LMTK2: variants seen among roughly 807,000 people sequenced by gnomAD.
LMTK2 encodes the protein serine/threonine-protein kinase LMTK2.
In LMTK2, 37 loss-of-function variants were observed where a neutral mutation model predicts 127.5. That is an observed-to-expected ratio of 0.29 (90% confidence interval 0.22 to 0.38). LMTK2 has a LOEUF of 0.38. LMTK2 is among the 10% of genes least tolerant of loss of function. The pLI is 1.00. For missense variants in LMTK2, 1,694 were observed against 1,920.3 expected (o/e 0.88, Z 2.20); for synonymous variants, 819 against 810.1 (o/e 1.01, Z -0.19).
chr7:98,151,662 G>A (rs1299637868), intron 4 of LMTK2, among the ~76,000 whole-genome samples: 2 of 152,226 alleles, frequency 1.3e-5, no homozygotes, highest in East Asian at 1.9e-4. Context: ...GATGTCTTAC[G>A]GCATACAGGC....
chr7:98,174,610 C>T (rs991566082), intron 7 of LMTK2, among the ~76,000 whole-genome samples: 4 of 152,180 alleles, frequency 2.6e-5, no homozygotes, highest in African/African-American at 9.7e-5. Flanking sequence ...TTCTCATGGG[C>T]GGCCTGCCTC....
At chr7:98,176,459 A>C (rs1268666332) in intron 7 of LMTK2, among the ~76,000 whole-genome samples, 1 of 152,218 alleles carries the variant, frequency 6.6e-6, no homozygotes, top group African/African-American at 2.4e-5. Context: ...ACCTTCCAAC[A>C]TTTCTTTGGA....
chr7:98,149,933 A>G (rs1796827448), intron 3 of LMTK2, among the ~76,000 whole-genome samples: 1 of 58,288 alleles, frequency 1.7e-5, no homozygotes, highest in Non-Finnish European at 3.2e-5. Flanking sequence ...TCAAAACTCA[A>G]TAATAAGAAA....
At chr7:98,185,456 G>A (rs1797420053) in intron 8 of LMTK2, among the ~76,000 whole-genome samples, 1 of 152,168 alleles carries the variant, frequency 6.6e-6, no homozygotes, top group African/African-American at 2.4e-5. Context: ...TACCTGTTAT[G>A]ATAAAATATA....
At chr7:98,126,288 T>C (rs1217631427) in intron 1 of LMTK2, among the ~76,000 whole-genome samples, 4 of 152,084 alleles carry the variant, frequency 2.6e-5, no homozygotes, top group African/African-American at 9.7e-5. Flanking sequence ...ACATGGGAAG[T>C]TGTGTGACAA....
chr7:98,136,898 A>G (rs1012881412), intron 1 of LMTK2, among the ~76,000 whole-genome samples: 2 of 152,242 alleles, frequency 1.3e-5, no homozygotes, highest in Non-Finnish European at 2.9e-5. Flanking sequence ...GCTGAGGGGC[A>G]TGTGGTGATT....
chr7:98,204,273 T>G, intron 13 of LMTK2, 87 bp downstream of exon 13: 58 of 1,470,230 alleles, frequency 3.9e-5, no homozygotes, highest in Non-Finnish European at 5.0e-5. Flanking sequence ...GCAGGCCTGA[T>G]AATCTCATGT....
rs151098642 is a variant in LMTK2 at position 98,193,206 on chromosome 7, T to G, written c.2741T>G (p.Val914Gly). 2.1e-5 allele frequency: 34 copies of G among 1,613,572 alleles called. No individual in the cohort carries two copies. Among genetic ancestry groups the G allele is most frequent in the Non-Finnish European group, 2.7e-5 (32 of 1,179,990 alleles). Residue 914 changes from valine (V) to glycine (G), a missense_variant, in exon 11 of 14, where the codon GTA becomes GGA. Around this residue, in one of 8 missense-constraint regions of LMTK2, gnomAD observed 527 missense variants for 539.8 expected, o/e 0.98. Coordinates refer to ENST00000297293, the MANE Select transcript of LMTK2 (RefSeq NM_014916.4). The surrounding 1 kb of genome is among the most constrained non-coding windows in gnomAD (Gnocchi z 4.1). ...ADDILASRVS[V>G]GSSLPELGQE... ...GACATCCTTGCCAGCAGGGTGAGTGTAGGGAGTAGTCTCCCGGAACTGGGA... is the reference window on the plus strand; with the variant it reads ...GACATCCTTGCCAGCAGGGTGAGTGGAGGGAGTAGTCTCCCGGAACTGGGA...
chr7:98,190,865 A>G lies in LMTK2; in HGVS notation c.1136A>G (p.Tyr379Cys). 6.2e-7 allele frequency: 1 copy of G among 1,614,022 alleles called. No homozygotes were observed. Among genetic ancestry groups the G allele is most frequent in the Non-Finnish European group, 8.5e-7 (1 of 1,179,974 alleles). ...KLPKPQLEQPYSDRWYEVLQF... is the reference protein window; with the variant it reads ...KLPKPQLEQPCSDRWYEVLQF... ...CCGAAGCCCCAGCTGGAGCAGCCCT[A>G]CTCTGATAGATGGTTGGTAGCCTCA... Residue 379 changes from tyrosine (Y) to cysteine (C), a missense_variant, in exon 10 of 14, where the codon TAC (tyrosine) becomes TGC (cysteine). Coordinates refer to ENST00000297293, the MANE Select transcript of LMTK2 (RefSeq NM_014916.4).
intron 5 of LMTK2, 105 bp downstream of exon 5, chr7:98,154,981 G>C (rs1796907358): frequency 1.4e-6 from 1 of 693,264 alleles, no homozygotes; most frequent in East Asian, 2.6e-5. Flanking sequence ...ACATGATTAA[G>C]TAAGTTCCAA....
At chr7:98,163,413 C>T (rs568859796) in intron 6 of LMTK2, among the ~76,000 whole-genome samples, 217 of 152,170 alleles carry the variant, frequency 1.4e-3, no homozygotes, top group African/African-American at 4.3e-3. Context: ...TATCACTTGG[C>T]GTGGCCAGTC....
chr7:98,200,657 C>A (rs1458304994), intron 11 of LMTK2, among the ~76,000 whole-genome samples: 2 of 152,088 alleles, frequency 1.3e-5, no homozygotes, highest in Admixed American at 6.6e-5. Context: ...ATTTGGATAC[C>A]ATAATTAGAG....
In LMTK2 at chr7:98,116,449, C is replaced by T. The variant is rs138185443; in HGVS notation, c.103+9169C>T. ...GCGTGTGTGTGTGTGTTTGTGTCCG[C>T]GTGTGTGTGTGTGAAGGAGAGGGTA... On this transcript the variant is annotated intron_variant, in intron 1 of 13. Transcript: ENST00000297293. 4.0e-5 allele frequency among the ~76,000 whole-genome samples: 6 copies of T among 150,908 alleles called. No individual in the cohort carries two copies. In the South Asian group the frequency reaches 6.3e-4, roughly 16 times the overall value.
intron 1 of LMTK2, among the ~76,000 whole-genome samples, chr7:98,114,075 C>T (rs1796243016): frequency 2.0e-5 from 3 of 151,904 alleles, no homozygotes; most frequent in African/African-American, 7.3e-5. Flanking sequence ...CAGTATCTTT[C>T]ATTTTCTCTG....
At chr7:98,115,233 G>C (rs145498377) in intron 1 of LMTK2, among the ~76,000 whole-genome samples, 1 of 151,858 alleles carries the variant, frequency 6.6e-6, no homozygotes, top group Non-Finnish European at 1.5e-5. Context: ...TGGACAACAC[G>C]GAGAAACCCC....
chr7:98,117,833 G>A (rs1350725140), intron 1 of LMTK2, among the ~76,000 whole-genome samples: 1 of 152,110 alleles, frequency 6.6e-6, no homozygotes, highest in East Asian at 1.9e-4. Context: ...CAGGTGTGGT[G>A]GTGTGCGCCT....
In LMTK2 at chr7:98,190,840, C is replaced by G. The variant is rs1273508692; in HGVS notation, c.1111C>G (p.Pro371Ala). Residue 371 changes from proline to alanine, a missense_variant, in exon 10 of 14, where the codon CCG becomes GCG. By Grantham distance (27) the Pro-to-Ala change is conservative. Transcript: ENST00000297293. ...QVIRERDTKLPKPQLEQPYSD... is the reference protein window; with the variant it reads ...QVIRERDTKLAKPQLEQPYSD... ...CATTAGAGAGAGAGACACAAAACTC[C>G]CGAAGCCCCAGCTGGAGCAGCCCTA... 1 of 1,614,146 alleles carries G rather than the reference C, an allele frequency of 6.2e-7. No individual in the cohort carries two copies.
intron 11 of LMTK2, among the ~76,000 whole-genome samples, chr7:98,201,543 C>T (rs1173746904): frequency 2.0e-5 from 3 of 152,148 alleles, no homozygotes; most frequent in Non-Finnish European, 4.4e-5. Flanking sequence ...AAATCTTTGT[C>T]TTTAGCTTTC....
chr7:98,201,004 G>T (rs947471972), intron 11 of LMTK2, among the ~76,000 whole-genome samples: 5 of 151,926 alleles, frequency 3.3e-5, no homozygotes, highest in Non-Finnish European at 5.9e-5. Flanking sequence ...TCTAATTAAA[G>T]AAATTTAACT....
Sources: gnomAD v4.1 joint callset for allele counts (sites outside exome capture counted in the v4.1 genomes callset) on GRCh38, gnomAD v4.1.1 for gene constraint, gnomAD v4.1.1 regional missense constraint, Gnocchi (gnomAD v3.1) non-coding constraint, MANE v1.5 for transcripts, NCBI Gene and HGNC (gene_info 2026-07-23, HGNC 2026-07-21) for gene names.